The following EYS variants were observed in gnomAD, a reference collection of about 807,000 sequenced individuals.
EYS encodes EGF-like photoreceptor maintenance factor.
Under a neutral mutation model 282.1 loss-of-function variants are expected in EYS, and 250 were observed. The observed-to-expected ratio is 0.89, with a 90% CI of 0.80 to 0.98. The LOEUF is 0.98. EYS is among the 50% of genes least tolerant of loss of function. EYS has a pLI of 0.00. For synonymous variants in EYS, 1,355 were observed against 1,282.9 expected (o/e 1.06, Z -1.20); for missense variants, 4,016 against 3,709.0 (o/e 1.08, Z -2.15).
At chr6:64,504,131 G>T (rs1777137171) in intron 26 of EYS, among the ~76,000 whole-genome samples, 1 of 152,144 alleles carries the variant, frequency 6.6e-6, no homozygotes, top group Admixed American at 6.5e-5. Context: ...GAGACTAAAA[G>T]AAGGGCCTTG....
At chr6:65,513,445 C>T (rs1229988136) in intron 2 of EYS, among the ~76,000 whole-genome samples, 1 of 152,138 alleles carries the variant, frequency 6.6e-6, no homozygotes, top group African/African-American at 2.4e-5. Context: ...TTTTAGGAGG[C>T]CAGCATCATC....
intron 26 of EYS, among the ~76,000 whole-genome samples, chr6:64,585,085 A>G (rs969050205): frequency 6.6e-6 from 1 of 152,158 alleles, no homozygotes; most frequent in Admixed American, 6.6e-5. Context: ...GTGTCAGTCA[A>G]TGATGGACTG....
chr6:64,024,824 C>A lies in EYS; in HGVS notation c.6726-25641G>T, dbSNP rs150878120. Among the ~76,000 whole-genome samples the A allele has an allele frequency of 1.6e-3, 236 of 152,160 alleles. 2 individuals carry two copies. The East Asian group carries it at 0.035, about 23-fold the overall frequency. ...AGAAGGAAGAAACTCCAAACACATC[C>A]GAACATCAGAAGGAACAAACTCCCG... On this transcript the variant is annotated intron_variant, in intron 33 of 42. Transcript: ENST00000503581.
Position 65,213,887 on chromosome 6 carries a change from G to A in EYS, c.2023+81976C>T, listed in dbSNP as rs193154127. 6.5e-3 allele frequency among the ~76,000 whole-genome samples: 987 copies of A among 152,122 alleles called. 12 individuals are homozygous for A. The highest frequency in any genetic ancestry group is 0.022 in the African/African-American group (929 of 41,522). On this transcript the variant is annotated intron_variant, in intron 12 of 42. Coordinates refer to ENST00000503581, the MANE Select transcript of EYS (RefSeq NM_001142800.2). ...AAGGGATACTGAAAGCTGGCCGGGC[G>A]TGGTGGCTCACGCCTGTAACCCCAG...
intron 26 of EYS, among the ~76,000 whole-genome samples, chr6:64,521,495 T>C (rs760645484): frequency 4.0e-4 from 60 of 151,692 alleles, no homozygotes; most frequent in Non-Finnish European, 7.8e-4. Context: ...CTTAGAGTAC[T>C]AAAGTGGATG....
intron 12 of EYS, among the ~76,000 whole-genome samples, chr6:65,143,394 T>C (rs1764398578): frequency 6.6e-6 from 1 of 151,804 alleles, no homozygotes; most frequent in African/African-American, 2.4e-5. Flanking sequence ...GGCATTAAAA[T>C]GTAAAGAGGC....
intron 35 of EYS, among the ~76,000 whole-genome samples, chr6:63,983,610 T>C (rs150502344): frequency 1.3e-5 from 2 of 151,952 alleles, no homozygotes; most frequent in East Asian, 3.9e-4. Context: ...ATGAAAATAC[T>C]GAGGTTAATT....
At chr6:64,473,278 A>G (rs1011308926) in intron 26 of EYS, among the ~76,000 whole-genome samples, 3 of 152,326 alleles carry the variant, frequency 2.0e-5, no homozygotes, top group Admixed American at 6.5e-5. Flanking sequence ...TTATTAGGTT[A>G]AAGAGTATAG....
At chr6:64,637,754 A>G (rs1768028368) in intron 22 of EYS, among the ~76,000 whole-genome samples, 1 of 88,794 alleles carries the variant, frequency 1.1e-5, no homozygotes, top group African/African-American at 4.3e-5. Flanking sequence ...GTGGGGAGGG[A>G]GCTGGGAGAG....
chr6:64,439,188 A>G lies in EYS; in HGVS notation c.5809T>C (p.Leu1937=). The G allele has an allele frequency of 1.3e-6, 2 of 1,484,156 alleles. No individual in the cohort carries two copies. The highest frequency in any genetic ancestry group is 1.8e-6 in the Non-Finnish European group (2 of 1,118,332). The allele number at this position is 1,484,156 out of a possible 1,614,324, so 91.9% of individuals were successfully genotyped here. The change falls in exon 27 of 43, where the codon TTG becomes CTG. Residue 1937 remains leucine (L), a synonymous_variant. Transcript: ENST00000503581. ...TTTAAAGTACCATTTTCAATAAACA[A>G]TTGAATAAAAAATCCATCTACTAAA... The part of the protein sequence containing the change: ...SNLVDGFFIQ[L]FIENGTLKYH...
chr6:64,654,679 TACA>T (rs1168161914), intron 22 of EYS, among the ~76,000 whole-genome samples: 2 of 152,220 alleles, frequency 1.3e-5, no homozygotes, highest in African/African-American at 4.8e-5. Flanking sequence ...GTCTTTTAAA[TACA>T]TGATTTCTTT....
intron 22 of EYS, among the ~76,000 whole-genome samples, chr6:64,747,607 T>G (rs1772601402): frequency 6.6e-6 from 1 of 152,178 alleles, no homozygotes; most frequent in African/African-American, 2.4e-5. Flanking sequence ...CTTGAACTCC[T>G]GACCTCAAGA....
intron 12 of EYS, among the ~76,000 whole-genome samples, chr6:65,140,446 A>C (rs1356164962): frequency 6.6e-6 from 1 of 152,032 alleles, no homozygotes; most frequent in East Asian, 1.9e-4. Flanking sequence ...GGAAAGGAGA[A>C]ACTTGAGGGG....
At chr6:64,328,018 C>A (rs968362076) in intron 29 of EYS, among the ~76,000 whole-genome samples, 3 of 152,168 alleles carry the variant, frequency 2.0e-5, no homozygotes, top group Non-Finnish European at 4.4e-5. Context: ...AACATGGGAA[C>A]AAATTTATTT....
intron 1 of EYS, among the ~76,000 whole-genome samples, chr6:65,702,044 T>A (rs1231281700): frequency 6.6e-6 from 1 of 152,188 alleles, no homozygotes; most frequent in East Asian, 1.9e-4. Flanking sequence ...ATGACTGACA[T>A]GTGCTTAACA....
rs558530505 is a variant in EYS, at chr6:64,893,462, A to G, written c.2847-6620T>C. On this transcript the variant is annotated intron_variant, in intron 18 of 42. Transcript: ENST00000503581. ...TTTACTTTGAAGTAACTATAAAATT[A>G]TTGCTTTTAAATGAGTTGGTAGATT... is the stretch of plus-strand genomic sequence containing the variant. Among the ~76,000 whole-genome samples the G allele has an allele frequency of 3.9e-5, 6 of 152,182 alleles. No individual in the cohort carries two copies. The South Asian group carries it at 1.2e-3, about 31-fold the overall frequency.
At chr6:65,053,371 A>G (rs1313793005) in intron 13 of EYS, among the ~76,000 whole-genome samples, 2 of 151,864 alleles carry the variant, frequency 1.3e-5, no homozygotes, top group African/African-American at 4.8e-5. Context: ...TCATAAATGC[A>G]TAAACTCATA....
At chr6:64,793,476 GA>G (rs1774254690) in intron 22 of EYS, among the ~76,000 whole-genome samples, 1 of 152,080 alleles carries the variant, frequency 6.6e-6, no homozygotes, top group Non-Finnish European at 1.5e-5. Context: ...GTTAGCAGAT[GA>G]AAAAAATGCT....
chr6:63,875,669 G>A (rs1772948852), intron 35 of EYS, among the ~76,000 whole-genome samples: 1 of 152,124 alleles, frequency 6.6e-6, no homozygotes. Flanking sequence ...GGTCTATTCA[G>A]GGATTCAACT....
Sources: gnomAD v4.1 joint callset for allele counts (sites outside exome capture counted in the v4.1 genomes callset) on GRCh38, gnomAD v4.1.1 for gene constraint, MANE v1.5 for transcripts, NCBI Gene and HGNC (gene_info 2026-07-23, HGNC 2026-07-21) for gene names.